The following MITF variants were observed in gnomAD, a reference collection of about 807,000 sequenced individuals.
MITF encodes microphthalmia-associated transcription factor.
A neutral mutation model predicts 60.5 loss-of-function variants in MITF; 17 were observed. The observed-to-expected ratio is 0.28, with a 90% CI of 0.19 to 0.42. The LOEUF is 0.42. MITF is among the 10% of genes least tolerant of loss of function. The pLI is 1.00. For synonymous variants in MITF, 260 were observed against 248.5 expected (o/e 1.05, Z -0.43); for missense variants, 622 against 683.5 (o/e 0.91, Z 1.00).
intron 1 of MITF, among the ~76,000 whole-genome samples, chr3:69,802,103 T>C (rs997956970): frequency 3.3e-5 from 5 of 152,194 alleles, no homozygotes; most frequent in African/African-American, 1.2e-4. Flanking sequence ...CCAAGAGATT[T>C]GCCTAGAGCA....
intron 1 of MITF, among the ~76,000 whole-genome samples, chr3:69,869,847 G>C (rs527661310): frequency 6.6e-6 from 1 of 152,038 alleles, no homozygotes; most frequent in African/African-American, 2.4e-5. Context: ...GAGATGGGTC[G>C]TATGAAGCTC....
In MITF at chr3:69,938,186, C is replaced by T. The variant is rs147624674; in HGVS notation, c.582+137C>T. 90 of 1,182,270 alleles carry T rather than the reference C, an allele frequency of 7.6e-5. No homozygotes were observed. The African/African-American group carries it at 1.2e-3, about 16-fold the overall frequency. The allele number at this position is 1,182,270 out of a possible 1,614,324, so 73.2% of individuals were successfully genotyped here. A position where few individuals can be genotyped will look rare whatever the true frequency, so the allele number is the denominator to read the frequency against. On this transcript the variant is annotated intron_variant, in intron 3 of 9. Coordinates refer to ENST00000352241, the MANE Select transcript of MITF (RefSeq NM_001354604.2). ...CCAGCCTTTGTCCCCGATTCACCAT[C>T]GTGGCTGTGGCATTCCAGCCTGTTG...
chr3:69,960,963 G>A (rs2066526915), intron 9 of MITF, among the ~76,000 whole-genome samples: 1 of 152,200 alleles, frequency 6.6e-6, no homozygotes, highest in African/African-American at 2.4e-5. Flanking sequence ...TAGAGGTAGT[G>A]TGTAATTTGA....
At chr3:69,937,092 G>T (rs762442871) in intron 2 of MITF, 1 of 225,246 alleles carries the variant, frequency 4.4e-6, no homozygotes, top group Non-Finnish European at 8.7e-6. Context: ...AGTATTTCTC[G>T]TTCTGAATTA....
At chr3:69,849,789 T>C (rs1233293695) in intron 1 of MITF, among the ~76,000 whole-genome samples, 6 of 152,222 alleles carry the variant, frequency 3.9e-5, no homozygotes, top group African/African-American at 1.4e-4. Context: ...TTTAGCTCTT[T>C]TTCCTAGCAT....
chr3:69,763,996 T>C (rs2062251360), intron 1 of MITF: 19 of 1,247,390 alleles, frequency 1.5e-5, no homozygotes, highest in Non-Finnish European at 1.9e-5. Flanking sequence ...ATATAGCATG[T>C]TTTTTAAGGG....
chr3:69,835,026 T>C (rs1172097956), intron 1 of MITF, among the ~76,000 whole-genome samples: 15 of 140,650 alleles, frequency 1.1e-4, no homozygotes, highest in Admixed American at 7.1e-4. Flanking sequence ...TTTTTTTTTT[T>C]TTTTTTTTTT....
rs184969174 is a variant in MITF at position 69,805,715 on chromosome 3, G to A, written c.104+66014G>A. 3.2e-4 allele frequency among the ~76,000 whole-genome samples: 48 copies of A among 151,398 alleles called. 1 individual carries two copies. In the East Asian group the frequency reaches 9.1e-3, roughly 29 times the overall value. On this transcript the variant is annotated intron_variant, in intron 1 of 9. Coordinates refer to ENST00000352241, the MANE Select transcript of MITF (RefSeq NM_001354604.2). ...TCTCTGTCACCTAGGCTGGAGTGCA[G>A]TGGCATGATCATAGCTTACTGTAAC...
intron 6 of MITF, among the ~76,000 whole-genome samples, chr3:69,950,790 T>A (rs968007198): frequency 2.0e-5 from 3 of 151,888 alleles, no homozygotes; most frequent in Non-Finnish European, 4.4e-5. Flanking sequence ...AAGTAACATG[T>A]TTTGTTTTGT....
chr3:69,816,446 T>C (rs2063183157), intron 1 of MITF, among the ~76,000 whole-genome samples: 1 of 152,238 alleles, frequency 6.6e-6, no homozygotes, highest in African/African-American at 2.4e-5. Context: ...TGAACTGTTG[T>C]TTAATAACTG....
At chr3:69,904,212 G>C (rs1006133768) in intron 2 of MITF, among the ~76,000 whole-genome samples, 2 of 151,734 alleles carry the variant, frequency 1.3e-5, no homozygotes, top group African/African-American at 4.8e-5. Flanking sequence ...ATCCAAGCAG[G>C]GTACTAGGCA....
chr3:69,835,301 C>A (rs565027753), intron 1 of MITF, among the ~76,000 whole-genome samples: 13 of 152,152 alleles, frequency 8.5e-5, no homozygotes, highest in African/African-American at 3.1e-4. Flanking sequence ...TGCAGGCATG[C>A]ACCCAGCTTC....
chr3:69,953,662 T>TAG (rs776961961), intron 7 of MITF, among the ~76,000 whole-genome samples: 1,889 of 136,478 alleles, frequency 0.014, 19 homozygotes, highest in African/African-American at 0.03. Flanking sequence ...TATATATATA[T>TAG]AGAGAGAGAG....
At chr3:69,751,763 G>T (rs1482340568) in intron 1 of MITF, among the ~76,000 whole-genome samples, 1 of 152,090 alleles carries the variant, frequency 6.6e-6, no homozygotes, top group Non-Finnish European at 1.5e-5. Flanking sequence ...TTCAACAGAG[G>T]CTGATATGGT....
chr3:69,879,480 A>G, intron 2 of MITF, 97 bp downstream of exon 2: 1 of 1,569,254 alleles, frequency 6.4e-7, no homozygotes. Context: ...TGTTAGACTG[A>G]CCCTTCAGAA....
At chr3:69,961,174 G>T (rs977466265) in intron 9 of MITF, among the ~76,000 whole-genome samples, 1 of 152,088 alleles carries the variant, frequency 6.6e-6, no homozygotes, top group Admixed American at 6.5e-5. Flanking sequence ...CACAAGATCA[G>T]GAGTTCAAGA....
chr3:69,892,603 G>GA (rs2064784407), intron 2 of MITF, among the ~76,000 whole-genome samples: 1 of 152,090 alleles, frequency 6.6e-6, no homozygotes, highest in African/African-American at 2.4e-5. Context: ...CTCCTCTGAA[G>GA]AAAAAAGCCA....
At position 69,879,030 on chromosome 3, in the gene MITF, G is replaced by A. The variant is rs372993803; in HGVS notation, c.105-104G>A. The A allele has an allele frequency of 8.0e-5, 70 of 873,072 alleles. 1 individual carries two copies. Among genetic ancestry groups the A allele is most frequent in the East Asian group, 5.6e-4 (23 of 41,032 alleles). The allele number at this position is 873,072 out of a possible 1,614,324, so 54.1% of individuals were successfully genotyped here. ...CATTCTGTGACTTGATTATATTTGC[G>A]CAGACTCATTTTATAGTTTGGTGCA... On this transcript the variant is annotated intron_variant, in intron 1 of 9. Transcript: ENST00000352241.
At chr3:69,833,391 G>A (rs190086938) in intron 1 of MITF, among the ~76,000 whole-genome samples, 2 of 151,890 alleles carry the variant, frequency 1.3e-5, no homozygotes, top group Non-Finnish European at 2.9e-5. Flanking sequence ...TTGTTTCCCT[G>A]TTTACACTGT....
Sources: allele counts gnomAD v4.1 joint callset (sites outside exome capture counted in the v4.1 genomes callset), GRCh38; gene constraint gnomAD v4.1.1; transcripts MANE v1.5; gene names NCBI Gene and HGNC (gene_info 2026-07-23, HGNC 2026-07-21).